KLF12: variants seen among roughly 807,000 people sequenced by gnomAD.
KLF12 encodes the protein KLF transcription factor 12, also known as Krueppel-like factor 12.
KLF12 carries 9 observed loss-of-function variants against 37.8 expected under a neutral mutation model. The observed-to-expected ratio is 0.24, with a 90% CI of 0.14 to 0.42. The LOEUF is 0.42. Among genes scored for constraint, KLF12 ranks in the 10% least tolerant of loss-of-function variants. The pLI, the probability that KLF12 is intolerant of heterozygous loss-of-function variation, is 1.00. For synonymous variants in KLF12, 208 were observed against 202.1 expected (o/e 1.03, Z -0.25); for missense variants, 411 against 516.0 (o/e 0.80, Z 1.97).
At chr13:73,992,306 G>A (rs897673969) in intron 2 of KLF12, among the ~76,000 whole-genome samples, 13 of 152,222 alleles carry the variant, frequency 8.5e-5, no homozygotes, top group African/African-American at 2.7e-4. Context: ...GTATTTGTGA[G>A]CAGGAAATAA....
chr13:73,704,785 C>T (rs1456033023), intron 7 of KLF12, among the ~76,000 whole-genome samples: 1 of 152,182 alleles, frequency 6.6e-6, no homozygotes, highest in African/African-American at 2.4e-5. Context: ...CTCAGCAGTG[C>T]CGTACTGTGG....
chr13:73,833,698 T>C (rs554317535), intron 4 of KLF12, among the ~76,000 whole-genome samples: 1 of 152,270 alleles, frequency 6.6e-6, no homozygotes, highest in South Asian at 2.1e-4. Flanking sequence ...GGCTTCCCTT[T>C]GCTTTCTACA....
chr13:73,997,258 C>T (rs897601184), intron 1 of KLF12, among the ~76,000 whole-genome samples: 1 of 152,078 alleles, frequency 6.6e-6, no homozygotes, highest in African/African-American at 2.4e-5. Context: ...CTATTATCTT[C>T]CGGCTGTGTG....
intron 6 of KLF12, among the ~76,000 whole-genome samples, chr13:73,751,268 C>T (rs551582846): frequency 6.6e-6 from 1 of 152,040 alleles, no homozygotes; most frequent in Non-Finnish European, 1.5e-5. Flanking sequence ...ATTAATGAGA[C>T]CCCTGGATCA....
At chr13:74,229,444 C>T in the KLF12 span, among the ~76,000 whole-genome samples, 1 of 152,146 alleles carries the variant, frequency 6.6e-6, no homozygotes, top group Non-Finnish European at 1.5e-5. Flanking sequence ...GTACTTTCCT[C>T]AGCCCCATGG....
chr13:73,778,003 G>T (rs199608648), intron 5 of KLF12, among the ~76,000 whole-genome samples: 1 of 150,246 alleles, frequency 6.7e-6, no homozygotes, highest in African/African-American at 2.4e-5. Context: ...GCATGGTGGC[G>T]CATGCCTGTA....
At chr13:73,892,997 C>G (rs1887584664) in intron 3 of KLF12, among the ~76,000 whole-genome samples, 1 of 151,500 alleles carries the variant, frequency 6.6e-6, no homozygotes, top group Non-Finnish European at 1.5e-5. Flanking sequence ...AGATAATACA[C>G]TATGTTCAGA....
At chr13:74,195,238 C>T in the KLF12 span, among the ~76,000 whole-genome samples, 1 of 152,162 alleles carries the variant, frequency 6.6e-6, no homozygotes, top group Non-Finnish European at 1.5e-5. Flanking sequence ...AATTTAACTA[C>T]TTTTAGTGGA....
intron 2 of KLF12, among the ~76,000 whole-genome samples, chr13:73,954,626 C>A (rs1302469218): frequency 6.6e-6 from 1 of 152,196 alleles, no homozygotes; most frequent in Non-Finnish European, 1.5e-5. Flanking sequence ...AGACACCTAA[C>A]AAGAATGGCC....
intron 4 of KLF12, among the ~76,000 whole-genome samples, chr13:73,819,733 G>A (rs1883420458): frequency 6.6e-6 from 1 of 152,200 alleles, no homozygotes; most frequent in African/African-American, 2.4e-5. Flanking sequence ...TTGCATAGTG[G>A]CAGTGGACAA....
intron 1 of KLF12, among the ~76,000 whole-genome samples, chr13:74,042,902 T>A (rs151191254): frequency 1.3e-5 from 2 of 152,120 alleles, no homozygotes; most frequent in African/African-American, 4.8e-5. Flanking sequence ...TACCTCAATA[T>A]CCCAGGAGAC....
At chr13:74,265,766 A>C in the KLF12 span, among the ~76,000 whole-genome samples, 606 of 152,298 alleles carry the variant, frequency 4.0e-3, 6 homozygotes, top group African/African-American at 0.013. Context: ...CTAAATACTC[A>C]CATTTACTTC....
At chr13:73,790,351 T>C (rs1246465905) in intron 5 of KLF12, among the ~76,000 whole-genome samples, 1 of 152,136 alleles carries the variant, frequency 6.6e-6, no homozygotes, top group African/African-American at 2.4e-5. Flanking sequence ...TTATAATAAT[T>C]TAAGATTTTA....
chr13:73,904,659 T>C (rs1393664936), intron 3 of KLF12, among the ~76,000 whole-genome samples: 1 of 152,124 alleles, frequency 6.6e-6, no homozygotes, highest in East Asian at 1.9e-4. Context: ...GATCATTTTA[T>C]TACGAGACTA....
chr13:74,085,232 G>A (rs577453775), intron 1 of KLF12, among the ~76,000 whole-genome samples: 8 of 152,272 alleles, frequency 5.3e-5, no homozygotes, highest in Middle Eastern at 3.4e-3. Context: ...TATTGGCTGT[G>A]TTTTCATGAA....
chr13:74,160,892 T>C, the KLF12 span, among the ~76,000 whole-genome samples: 1 of 151,960 alleles, frequency 6.6e-6, no homozygotes, highest in Non-Finnish European at 1.5e-5. Context: ...AGGCAAGAGA[T>C]GGGAATAGGT....
intron 1 of KLF12, among the ~76,000 whole-genome samples, chr13:74,108,524 T>C (rs986447431): frequency 4.6e-5 from 7 of 151,892 alleles, no homozygotes; most frequent in Admixed American, 3.3e-4. Context: ...GTCATAGGAG[T>C]TGGGGCGCTG....
chr13:73,704,054 T>C (rs1874744181), intron 7 of KLF12, among the ~76,000 whole-genome samples: 1 of 152,240 alleles, frequency 6.6e-6, no homozygotes, highest in Non-Finnish European at 1.5e-5. Flanking sequence ...CGTAGTGACC[T>C]TTCTTTTCCT....
At chr13:74,271,066 A>G in the KLF12 span, among the ~76,000 whole-genome samples, 2 of 152,164 alleles carry the variant, frequency 1.3e-5, no homozygotes. Flanking sequence ...CAGCAGTGGC[A>G]TTAGATTCTC....
Sources: allele counts gnomAD v4.1 joint callset (sites outside exome capture counted in the v4.1 genomes callset), GRCh38; gene constraint gnomAD v4.1.1; transcripts MANE v1.5; gene names NCBI Gene and HGNC (gene_info 2026-07-23, HGNC 2026-07-21).